Variants in SRPK1 observed in about 807,000 individuals in gnomAD.
SRPK1 encodes the protein SFRS protein kinase 1.
A neutral mutation model predicts 89.5 loss-of-function variants in SRPK1; 52 were observed. The ratio of observed to expected loss-of-function variants is 0.58; its 90% CI spans 0.46 to 0.73. The LOEUF (loss-of-function observed/expected upper bound fraction) is 0.73, where lower values mean the gene tolerates loss of function less well. SRPK1 is among the 30% of genes least tolerant of loss of function. The pLI is 0.00. For missense variants in SRPK1, 603 were observed against 780.6 expected, an observed-to-expected ratio of 0.77 and a Z score of 2.71; for synonymous variants, 255 against 270.2, an observed-to-expected ratio of 0.94 and a Z score of 0.55.
intron 13 of SRPK1, among the ~76,000 whole-genome samples, chr6:35,849,915 T>C (rs1388928770): frequency 1.3e-5 from 2 of 152,072 alleles, no homozygotes; most frequent in African/African-American, 4.8e-5. Context: ...TGCAGTGACA[T>C]GGATGGAACT....
intron 7 of SRPK1, among the ~76,000 whole-genome samples, 157 bp from the exon 8 acceptor site, chr6:35,872,885 CAGAA>C (rs1347999321): frequency 2.0e-5 from 3 of 150,686 alleles, no homozygotes; most frequent in Admixed American, 6.6e-5. Flanking sequence ...TAAACTTTCT[CAGAA>C]AGATTAAACT....
intron 2 of SRPK1, among the ~76,000 whole-genome samples, chr6:35,894,630 C>T (rs1770592722): frequency 6.6e-6 from 1 of 152,056 alleles, no homozygotes; most frequent in South Asian, 2.1e-4. Context: ...ACTCTAAAGG[C>T]TTCTAGGTAA....
chr6:35,879,175 C>A (rs1047512489), intron 6 of SRPK1, among the ~76,000 whole-genome samples: 3 of 152,166 alleles, frequency 2.0e-5, no homozygotes, highest in African/African-American at 7.2e-5. Context: ...GGAAAAGATG[C>A]AGACTGAGCA....
chr6:35,919,362 A>G (rs1445724186), intron 2 of SRPK1, among the ~76,000 whole-genome samples: 2 of 152,060 alleles, frequency 1.3e-5, no homozygotes, highest in South Asian at 2.1e-4. Flanking sequence ...CAAAAACAAC[A>G]CACACCCCTA....
intron 2 of SRPK1, among the ~76,000 whole-genome samples, chr6:35,897,550 T>C (rs1770650345): frequency 6.6e-6 from 1 of 152,226 alleles, no homozygotes; most frequent in South Asian, 2.1e-4. Context: ...GGTCTCACTC[T>C]ACCGCCCAGG....
At chr6:35,842,723 A>G in intron 13 of SRPK1, 119 bp from the exon 14 acceptor site, 1 of 445,542 alleles carries the variant, frequency 2.2e-6, no homozygotes, top group Non-Finnish European at 3.8e-6. Flanking sequence ...CTTATAGATC[A>G]TTTAAAAAAA....
rs1056298045 is a variant in SRPK1 at position 35,886,361 on chromosome 6, T to C, written c.478+363A>G. 2.6e-5 allele frequency among the ~76,000 whole-genome samples: 4 copies of C among 152,200 alleles called. No homozygotes were observed. In the South Asian group the frequency reaches 8.3e-4, roughly 31 times the overall value. ...TCCCAAAGTGCTGGGATTACAGGCT[T>C]GAGCCACCGTGCCCGGCCTACTCAG... On this transcript the variant is annotated intron_variant, in intron 6 of 15. Transcript: ENST00000373825.
chr6:35,873,742 G>A (rs796346781), intron 7 of SRPK1, among the ~76,000 whole-genome samples: 4 of 152,142 alleles, frequency 2.6e-5, no homozygotes, highest in East Asian at 1.9e-4. Flanking sequence ...TGCCCGCCTC[G>A]GCCTCCCAAA....
At chr6:35,872,853 G>T in intron 7 of SRPK1, 125 bp from the exon 8 acceptor site, 3 of 870,562 alleles carry the variant, frequency 3.4e-6, no homozygotes, top group South Asian at 4.3e-5. Context: ...GAGAATAAAA[G>T]CACCTTTTAA....
At chr6:35,844,379 G>T (rs1309374859) in intron 13 of SRPK1, among the ~76,000 whole-genome samples, 1 of 152,142 alleles carries the variant, frequency 6.6e-6, no homozygotes, top group East Asian at 1.9e-4. Context: ...GGTCAATTTT[G>T]ATTAAATCAA....
chr6:35,835,830 G>C (rs1480480815), intron 15 of SRPK1, among the ~76,000 whole-genome samples: 1 of 152,040 alleles, frequency 6.6e-6, no homozygotes, highest in Non-Finnish European at 1.5e-5. Context: ...TATATGGTGT[G>C]CAGAGACACT....
rs548603928 is a variant in SRPK1, at chr6:35,838,969, G to A, written c.1691-540C>T. ...AATTATTTCAGGTGGTTGGTCACCC[G>A]ATAGTGTCTGGCAAGTCCCATTCTG... On this transcript the variant is annotated intron_variant, in intron 14 of 15. Coordinates refer to ENST00000373825, the MANE Select transcript of SRPK1 (RefSeq NM_003137.5). 1,124 of 562,730 alleles carry A rather than the reference G, an allele frequency of 2.0e-3. 23 individuals carry two copies. In the South Asian group the frequency reaches 0.022, roughly 11 times the overall value. The allele number at this position is 562,730 out of a possible 1,614,324, so 34.9% of individuals were successfully genotyped here.
chr6:35,920,176 G>A (rs1383785235), intron 2 of SRPK1: 4 of 546,088 alleles, frequency 7.3e-6, no homozygotes, highest in East Asian at 9.0e-5. Flanking sequence ...CCAAGCTAGG[G>A]GAGTTTGTGC....
chr6:35,886,855 G>C, intron 5 of SRPK1, 44 bp from the exon 6 acceptor site: 1 of 1,117,468 alleles, frequency 8.9e-7, no homozygotes, highest in Non-Finnish European at 1.4e-6. Context: ...GTAAAGCATG[G>C]AAATAAACCA....
Position 35,855,006 on chromosome 6 carries a change from A to G in SRPK1, c.1620+2255T>C, listed in dbSNP as rs962346306. Among the ~76,000 whole-genome samples the G allele has an allele frequency of 5.9e-5, 9 of 152,330 alleles. No homozygotes were observed. The East Asian group carries it at 1.7e-3, about 29-fold the overall frequency. On this transcript the variant is annotated intron_variant, in intron 13 of 15. Coordinates refer to ENST00000373825, the MANE Select transcript of SRPK1 (RefSeq NM_003137.5). ...ACTTCAGACAGTTCACCAGCTTTACAGACCAATGATATGGGCCCAGCGCGG... is the reference window on the plus strand; with the variant it reads ...ACTTCAGACAGTTCACCAGCTTTACGGACCAATGATATGGGCCCAGCGCGG...
At chr6:35,856,691 A>G (rs1769673282) in intron 13 of SRPK1, among the ~76,000 whole-genome samples, 2 of 152,214 alleles carry the variant, frequency 1.3e-5, no homozygotes, top group Non-Finnish European at 2.9e-5. Context: ...TAAAGATATT[A>G]AGGAGTATAA....
intron 2 of SRPK1, among the ~76,000 whole-genome samples, chr6:35,893,484 CA>C (rs11352097): frequency 0.44 from 65,063 of 146,836 alleles, 15,030 homozygotes; most frequent in African/African-American, 0.6. Flanking sequence ...GACCTTGTCT[CA>C]AAAAAAAAAG....
chr6:35,853,654 G>A (rs889465556), intron 13 of SRPK1, among the ~76,000 whole-genome samples: 1 of 152,188 alleles, frequency 6.6e-6, no homozygotes, highest in Admixed American at 6.5e-5. Flanking sequence ...ACAAGTGCCA[G>A]TGGGAGTCCT....
chr6:35,858,313 T>C (rs914840505), intron 12 of SRPK1, among the ~76,000 whole-genome samples: 2 of 152,150 alleles, frequency 1.3e-5, no homozygotes, highest in African/African-American at 4.8e-5. Flanking sequence ...GAAAGATCAT[T>C]CTTTTTAACT....
Sources: gnomAD v4.1 joint callset for allele counts (sites outside exome capture counted in the v4.1 genomes callset) on GRCh38, gnomAD v4.1.1 for gene constraint, MANE v1.5 for transcripts, NCBI Gene and HGNC (gene_info 2026-07-23, HGNC 2026-07-21) for gene names.